Variants in NRDC observed in about 807,000 individuals in gnomAD.
NRDC encodes the protein nardilysin convertase.
A neutral mutation model predicts 147.1 loss-of-function variants in NRDC; 54 were observed. That is an observed-to-expected ratio of 0.37 (90% CI 0.29 to 0.46). The LOEUF is 0.46. Among genes scored for constraint, NRDC ranks in the 20% least tolerant of loss-of-function variants. NRDC has a pLI of 1.00. For synonymous variants in NRDC, 440 were observed against 482.1 expected (o/e 0.91, Z 1.14); for missense variants, 1,082 against 1,370.6 (o/e 0.79, Z 3.33).
chr1:51,859,150 C>T (rs1291475503), intron 1 of NRDC, among the ~76,000 whole-genome samples: 1 of 152,140 alleles, frequency 6.6e-6, no homozygotes, highest in African/African-American at 2.4e-5. Flanking sequence ...GGCAATGAAA[C>T]AGGTAATGGA....
At chr1:51,835,673 G>A (rs1680932129) in intron 3 of NRDC, among the ~76,000 whole-genome samples, 1 of 151,760 alleles carries the variant, frequency 6.6e-6, no homozygotes, top group South Asian at 2.1e-4. Flanking sequence ...CACCATGTTG[G>A]CCAGGCTGGT....
At chr1:51,795,252 A>G (rs1479237343) in intron 22 of NRDC, 4 of 1,247,586 alleles carry the variant, frequency 3.2e-6, no homozygotes, top group Non-Finnish European at 4.2e-6. Flanking sequence ...GAGTGAATAC[A>G]TCCTCTTCCC....
At chr1:51,845,422 C>T (rs1681505900) in intron 1 of NRDC, among the ~76,000 whole-genome samples, 1 of 152,080 alleles carries the variant, frequency 6.6e-6, no homozygotes, top group Non-Finnish European at 1.5e-5. Flanking sequence ...GGCGAAAACC[C>T]GACTCTATTA....
chr1:51,853,168 G>A (rs1457395124), intron 1 of NRDC, among the ~76,000 whole-genome samples: 3 of 151,736 alleles, frequency 2.0e-5, no homozygotes, highest in South Asian at 2.1e-4. Flanking sequence ...AGGTTGCAGT[G>A]AGCCAAGACA....
chr1:51,821,188 C>G (rs1336318969), intron 8 of NRDC, among the ~76,000 whole-genome samples: 1 of 152,052 alleles, frequency 6.6e-6, no homozygotes, highest in Non-Finnish European at 1.5e-5. Flanking sequence ...TATTCTTCTG[C>G]CTCTCATATA....
chr1:51,806,218 G>GA (rs111648989), intron 18 of NRDC, among the ~76,000 whole-genome samples: 11,284 of 150,750 alleles, frequency 0.075, 464 homozygotes, highest in Middle Eastern at 0.22. Context: ...CCTTTATGCT[G>GA]AAAAAAAAAT....
intron 17 of NRDC, among the ~76,000 whole-genome samples, chr1:51,808,472 C>T (rs533140333): frequency 5.3e-5 from 8 of 152,310 alleles, no homozygotes; most frequent in Non-Finnish European, 1.2e-4. Flanking sequence ...CAGTACTACA[C>T]TTTTTATGAG....
At chr1:51,870,033 C>T (rs1343940060) in intron 1 of NRDC, among the ~76,000 whole-genome samples, 1 of 152,214 alleles carries the variant, frequency 6.6e-6, no homozygotes, top group African/African-American at 2.4e-5. Context: ...CAAGTATGTG[C>T]CACTGTGCCC....
chr1:51,804,108 C>G (rs1003558167), intron 19 of NRDC, 144 bp from the exon 20 acceptor site: 44 of 680,186 alleles, frequency 6.5e-5, no homozygotes, highest in Non-Finnish European at 9.8e-5. Context: ...ACAGCTTACT[C>G]AGGATTCAGT....
chr1:51,861,683 C>T (rs1203444156), intron 1 of NRDC, among the ~76,000 whole-genome samples: 1 of 152,044 alleles, frequency 6.6e-6, no homozygotes, highest in Non-Finnish European at 1.5e-5. Flanking sequence ...AAAACATACA[C>T]TGAAAATGAC....
At chr1:51,790,439 C>G (rs1336391982) in intron 29 of NRDC, 94 bp downstream of exon 29, 3 of 807,476 alleles carry the variant, frequency 3.7e-6, no homozygotes, top group African/African-American at 3.4e-5. Flanking sequence ...TCGAGTTTCT[C>G]TTCCACACAA....
chr1:51,806,714 T>G (rs1380969280), intron 18 of NRDC, 80 bp downstream of exon 18: 2 of 1,417,378 alleles, frequency 1.4e-6, no homozygotes, highest in Non-Finnish European at 1.9e-6. Context: ...AAATAGCAAG[T>G]AGATAATCAC....
At chr1:51,833,392 T>C (rs576446411) in intron 4 of NRDC, among the ~76,000 whole-genome samples, 64 of 149,826 alleles carry the variant, frequency 4.3e-4, no homozygotes, top group East Asian at 1.6e-3. Context: ...TGATGGCCAA[T>C]TGCACCACAG....
At position 51,826,339 on chromosome 1, in the gene NRDC, G is replaced by A. The variant is rs528158345; in HGVS notation, c.941-957C>T. On this transcript the variant is annotated intron_variant, in intron 5 of 30. Coordinates refer to ENST00000352171, the MANE Select transcript of NRDC (RefSeq NM_001101662.2). Reference sequence around the variant, plus strand: ...TTCTGCAATAACAGGTAATATAGCAGACATGTAAACATATCTACGAAAAGT... The same window carrying A: ...TTCTGCAATAACAGGTAATATAGCAAACATGTAAACATATCTACGAAAAGT... 2.8e-4 allele frequency among the ~76,000 whole-genome samples: 42 copies of A among 152,224 alleles called. 1 individual carries two copies. In the South Asian group the frequency reaches 5.8e-3, roughly 21 times the overall value.
At chr1:51,856,501 G>A (rs1682249836) in intron 1 of NRDC, among the ~76,000 whole-genome samples, 1 of 152,154 alleles carries the variant, frequency 6.6e-6, no homozygotes, top group South Asian at 2.1e-4. Context: ...TTGCTGGAGG[G>A]CTCACAGAAC....
intron 17 of NRDC, among the ~76,000 whole-genome samples, chr1:51,807,877 C>G (rs991438737): frequency 6.8e-6 from 1 of 147,068 alleles, no homozygotes; most frequent in Admixed American, 6.9e-5. Flanking sequence ...GCGATCTCAA[C>G]TCACTGCAAC....
chr1:51,802,248 C>CA (rs1435772739), intron 20 of NRDC, among the ~76,000 whole-genome samples: 4 of 152,142 alleles, frequency 2.6e-5, no homozygotes, highest in African/African-American at 9.7e-5. Context: ...TAATATTCCA[C>CA]AACCCTAGCA....
chr1:51,790,846 G>A (rs896163747), intron 28 of NRDC, 54 bp downstream of exon 28: 80 of 1,449,498 alleles, frequency 5.5e-5, no homozygotes, highest in Non-Finnish European at 7.7e-5. Context: ...GTTAAGATTT[G>A]TATCTGGGGG....
chr1:51,823,036 G>A (rs1408184155), intron 7 of NRDC, among the ~76,000 whole-genome samples: 1 of 152,114 alleles, frequency 6.6e-6, no homozygotes, highest in African/African-American at 2.4e-5. Context: ...AAACAAGTAG[G>A]TTGAAATGTA....
Sources: gnomAD v4.1 joint callset for allele counts (sites outside exome capture counted in the v4.1 genomes callset) on GRCh38, gnomAD v4.1.1 for gene constraint, MANE v1.5 for transcripts, NCBI Gene and HGNC (gene_info 2026-07-23, HGNC 2026-07-21) for gene names.